The following DIP2C variants were observed in gnomAD, a reference collection of about 807,000 sequenced individuals.
DIP2C encodes disco-interacting protein 2 homolog C.
DIP2C carries 33 observed loss-of-function variants against 192.4 expected under a neutral mutation model. That is an observed-to-expected ratio of 0.17 (90% CI 0.13 to 0.23). The LOEUF (loss-of-function observed/expected upper bound fraction) is 0.23, where lower values mean the gene tolerates loss of function less well. DIP2C is among the 10% of genes least tolerant of loss of function. The probability of loss-of-function intolerance (pLI) is 1.00; values close to 1 mark genes in which losing one functional copy is unlikely to be tolerated. For missense variants in DIP2C, 1,537 were observed against 2,110.1 expected (o/e 0.73, Z 5.32); for synonymous variants, 979 against 864.1 (o/e 1.13, Z -2.33).
chr10:534,607 C>T (rs1321908482), intron 1 of DIP2C, among the ~76,000 whole-genome samples: 1 of 152,214 alleles, frequency 6.6e-6, no homozygotes, highest in African/African-American at 2.4e-5. Flanking sequence ...CAGGAAACTA[C>T]CTTCCAGCCC....
Position 276,999 on chromosome 10 carries a change from A to G in DIP2C, c.*326T>C, listed in dbSNP as rs541809261. The G allele has an allele frequency of 8.0e-6, 2 of 249,866 alleles. No homozygotes were observed. Among genetic ancestry groups the G allele is most frequent in the African/African-American group, 4.5e-5 (2 of 44,922 alleles). 15.5% of individuals were successfully genotyped at this position (249,866 alleles called of 1,614,324 possible). Reference sequence around the variant, plus strand: ...TTTTTAATTGCTATTTCGGCTTAACAAAATACCACATTTACGAAGAAAGCA... The same window carrying G: ...TTTTTAATTGCTATTTCGGCTTAACGAAATACCACATTTACGAAGAAAGCA... On this transcript the variant is annotated 3_prime_UTR_variant, in exon 37 of 37. Transcript: ENST00000280886.
intron 8 of DIP2C, among the ~76,000 whole-genome samples, chr10:412,197 C>T (rs1965230424): frequency 6.6e-6 from 1 of 152,242 alleles, no homozygotes; most frequent in South Asian, 2.1e-4. Flanking sequence ...CCCGTGAGAA[C>T]TGTGTCTTAT....
intron 1 of DIP2C, among the ~76,000 whole-genome samples, chr10:513,848 A>ACC (rs1846183351): frequency 6.6e-6 from 1 of 152,262 alleles, no homozygotes; most frequent in Admixed American, 6.5e-5. Context: ...GTTTATACAA[A>ACC]AAGACATCTG....
chr10:481,332 C>T (rs1299863136), intron 2 of DIP2C, among the ~76,000 whole-genome samples: 2 of 152,218 alleles, frequency 1.3e-5, no homozygotes, highest in East Asian at 3.9e-4. Flanking sequence ...ATGCCAACTG[C>T]AGGGACCTCC....
chr10:360,017 A>G (rs1461262427), intron 22 of DIP2C, among the ~76,000 whole-genome samples: 1 of 152,178 alleles, frequency 6.6e-6, no homozygotes, highest in Non-Finnish European at 1.5e-5. Flanking sequence ...AATGGGTTCC[A>G]AGGTTTCCCG....
intron 1 of DIP2C, among the ~76,000 whole-genome samples, chr10:574,336 G>A (rs1224316264): frequency 6.6e-6 from 1 of 152,200 alleles, no homozygotes; most frequent in East Asian, 1.9e-4. Context: ...ATAGGAAACT[G>A]CACGGTTAGA....
At chr10:423,290 G>A (rs976250400) in intron 4 of DIP2C, among the ~76,000 whole-genome samples, 5 of 152,178 alleles carry the variant, frequency 3.3e-5, no homozygotes, top group African/African-American at 9.7e-5. Context: ...AATACACACT[G>A]ACCCATTTCC....
At chr10:594,819 T>C (rs1278216236) in intron 1 of DIP2C, among the ~76,000 whole-genome samples, 1 of 152,222 alleles carries the variant, frequency 6.6e-6, no homozygotes, top group East Asian at 1.9e-4. Flanking sequence ...GTTCAGATCA[T>C]GTCGAATTTA....
chr10:483,822 A>ATT lies in DIP2C; in HGVS notation c.157+2635_157+2636dup, dbSNP rs113550481. On this transcript the variant is annotated intron_variant, in intron 2 of 36. Coordinates refer to ENST00000280886, the MANE Select transcript of DIP2C (RefSeq NM_014974.3). ...TTGCCTCTATGACTTCATTTTACCAATTTTTTTTTTTTGAGACAGGGTCTC... is the reference window on the plus strand; with the variant it reads ...TTGCCTCTATGACTTCATTTTACCAATTTTTTTTTTTTTTGAGACAGGGTCTC... Among the ~76,000 whole-genome samples the ATT allele has an allele frequency of 1.8e-3, 271 of 147,364 alleles. 1 individual carries two copies. The highest frequency in any genetic ancestry group is 6.2e-3 in the African/African-American group (252 of 40,490).
intron 1 of DIP2C, among the ~76,000 whole-genome samples, chr10:660,294 A>G (rs4881501): frequency 0.011 from 1,646 of 150,458 alleles, 19 homozygotes; most frequent in African/African-American, 0.03. Context: ...TGTATGAAAC[A>G]GAGATTCTAG....
At chr10:477,191 G>C (rs1322050363) in intron 2 of DIP2C, among the ~76,000 whole-genome samples, 2 of 142,080 alleles carry the variant, frequency 1.4e-5, no homozygotes, top group South Asian at 2.5e-4. Context: ...AGTCAGCAAA[G>C]AATAGACAAA....
At chr10:467,652 A>AG (rs1387579188) in intron 3 of DIP2C, among the ~76,000 whole-genome samples, 22 of 151,994 alleles carry the variant, frequency 1.4e-4, no homozygotes, top group African/African-American at 4.8e-4. Flanking sequence ...TGTCCTTTGC[A>AG]GGGACATGGA....
intron 1 of DIP2C, chr10:650,717 C>T: frequency 1.6e-6 from 1 of 632,708 alleles, no homozygotes; most frequent in East Asian, 2.7e-5. Flanking sequence ...GGCCAGAGTG[C>T]TCTGGGCCGA....
At chr10:431,246 A>C (rs1966852800) in intron 4 of DIP2C, among the ~76,000 whole-genome samples, 1 of 152,196 alleles carries the variant, frequency 6.6e-6, no homozygotes, top group Non-Finnish European at 1.5e-5. Flanking sequence ...TTGAAAAAAA[A>C]ACTCGTTCGG....
chr10:579,348 A>C (rs369899164), intron 1 of DIP2C, among the ~76,000 whole-genome samples: 4 of 152,076 alleles, frequency 2.6e-5, no homozygotes, highest in Admixed American at 2.6e-4. Flanking sequence ...GTGTACACAC[A>C]CCCAAATGTA....
chr10:486,571 G>A, intron 1 of DIP2C, 41 bp from the exon 2 acceptor site: 1 of 1,535,354 alleles, frequency 6.5e-7, no homozygotes, highest in Non-Finnish European at 8.9e-7. Context: ...GGTCTCCGTG[G>A]ATAGAGCATT....
chr10:565,353 C>CTAAAATAAAAA (rs1554737783), intron 1 of DIP2C, among the ~76,000 whole-genome samples: 2 of 89,652 alleles, frequency 2.2e-5, no homozygotes, highest in African/African-American at 2.1e-4. Flanking sequence ...TACCTGCATT[C>CTAAAATAAAAA]TAAAAAAAAA....
At chr10:522,884 G>T (rs2130823017) in intron 1 of DIP2C, among the ~76,000 whole-genome samples, 1 of 152,156 alleles carries the variant, frequency 6.6e-6, no homozygotes, top group African/African-American at 2.4e-5. Flanking sequence ...CAGGGACTCT[G>T]CATGACCAAC....
At chr10:471,474 C>T (rs1184871764) in intron 3 of DIP2C, among the ~76,000 whole-genome samples, 1 of 152,166 alleles carries the variant, frequency 6.6e-6, no homozygotes, top group African/African-American at 2.4e-5. Flanking sequence ...CATCCCTTAG[C>T]CTCACTTTTT....
Sources: allele counts gnomAD v4.1 joint callset (sites outside exome capture counted in the v4.1 genomes callset), GRCh38; gene constraint gnomAD v4.1.1; transcripts MANE v1.5; gene names NCBI Gene and HGNC (gene_info 2026-07-23, HGNC 2026-07-21).